The following NCALD variants were observed in gnomAD, a reference collection of about 807,000 sequenced individuals.
NCALD encodes the protein neurocalcin delta.
Under a neutral mutation model 18.6 loss-of-function variants are expected in NCALD, and 10 were observed. The observed-to-expected ratio is 0.54, with a 90% CI of 0.33 to 0.91. NCALD has a LOEUF of 0.91. Ranked by LOEUF, NCALD falls within the 40% of genes least tolerant of loss-of-function variation. The pLI is 0.03. For synonymous variants in NCALD, 88 were observed against 87.4 expected (o/e 1.01, Z -0.04); for missense variants, 184 against 247.6 (o/e 0.74, Z 1.72).
At chr8:101,829,974 G>GTTTTTTTTTT (rs35295834) in intron 4 of NCALD, among the ~76,000 whole-genome samples, 4 of 116,144 alleles carry the variant, frequency 3.4e-5, no homozygotes, top group African/African-American at 9.9e-5. Context: ...AGTCACATGG[G>GTTTTTTTTTT]TTTTTTTTTT....
intron 2 of NCALD, among the ~76,000 whole-genome samples, chr8:101,961,101 T>G (rs1453986833): frequency 6.6e-6 from 1 of 152,194 alleles, no homozygotes; most frequent in African/African-American, 2.4e-5. Context: ...ATTGTATCCC[T>G]AGTACCTCGG....
intron 2 of NCALD, among the ~76,000 whole-genome samples, chr8:101,956,306 G>A (rs1819621244): frequency 6.6e-6 from 1 of 152,126 alleles, no homozygotes; most frequent in African/African-American, 2.4e-5. Context: ...AAGGTAACAT[G>A]TTTTAGAATG....
intron 1 of NCALD, among the ~76,000 whole-genome samples, chr8:102,041,099 G>T (rs1322919812): frequency 6.6e-6 from 1 of 152,160 alleles, no homozygotes; most frequent in East Asian, 1.9e-4. Flanking sequence ...AACTCTTACT[G>T]GTAGGAGAAA....
intron 3 of NCALD, chr8:101,691,422 G>A: frequency 2.0e-6 from 2 of 985,212 alleles, no homozygotes; most frequent in Non-Finnish European, 2.4e-6. Flanking sequence ...CTAATTCATT[G>A]CCTGTGATCA....
chr8:101,930,367 T>G (rs73696583), intron 2 of NCALD, among the ~76,000 whole-genome samples: 9,617 of 152,172 alleles, frequency 0.063, 765 homozygotes, highest in African/African-American at 0.19. Flanking sequence ...TGATCAATGC[T>G]ACAGAGGGTA....
intron 2 of NCALD, among the ~76,000 whole-genome samples, chr8:101,944,862 G>A (rs1471690162): frequency 1.3e-5 from 2 of 152,184 alleles, no homozygotes; most frequent in Non-Finnish European, 2.9e-5. Flanking sequence ...GCGTGCTTCA[G>A]CAACCCATCT....
chr8:101,894,450 G>C (rs1462489775), intron 3 of NCALD, among the ~76,000 whole-genome samples: 2 of 141,534 alleles, frequency 1.4e-5, no homozygotes, highest in African/African-American at 5.7e-5. Flanking sequence ...ACAATTAAAA[G>C]AACTAGAAAA....
intron 4 of NCALD, among the ~76,000 whole-genome samples, chr8:101,851,483 A>G (rs1815088885): frequency 6.6e-6 from 1 of 152,214 alleles, no homozygotes; most frequent in South Asian, 2.1e-4. Flanking sequence ...TCTCTTGCCT[A>G]TCATATTTAC....
intron 1 of NCALD, among the ~76,000 whole-genome samples, chr8:102,101,070 T>C (rs373415092): frequency 1.4e-4 from 22 of 152,234 alleles, no homozygotes; most frequent in Non-Finnish European, 2.6e-4. Flanking sequence ...TTTGCATATT[T>C]TATACCACGA....
At chr8:101,977,952 G>A (rs1586858879) in intron 2 of NCALD, among the ~76,000 whole-genome samples, 1 of 152,116 alleles carries the variant, frequency 6.6e-6, no homozygotes, top group Non-Finnish European at 1.5e-5. Context: ...AGCAGGAAAT[G>A]AGCAAGCCCA....
At chr8:101,904,355 A>AAAAAGAAAT (rs1415062255) in intron 3 of NCALD, among the ~76,000 whole-genome samples, 1 of 152,102 alleles carries the variant, frequency 6.6e-6, no homozygotes, top group African/African-American at 2.4e-5. Context: ...GTCTGAAAGC[A>AAAAAGAAAT]AAAAGAAATA....
At chr8:101,691,161 G>A (rs1814712855) in intron 3 of NCALD, 1 of 985,302 alleles carries the variant, frequency 1.0e-6, no homozygotes, top group African/African-American at 1.7e-5. Context: ...CAAGCACTGA[G>A]CTGAAGCACC....
chr8:101,798,335 C>T (rs551254368), intron 4 of NCALD, among the ~76,000 whole-genome samples: 8 of 152,190 alleles, frequency 5.3e-5, no homozygotes, highest in African/African-American at 1.4e-4. Flanking sequence ...CAAGATAAAC[C>T]TGAAAATCAA....
intron 4 of NCALD, among the ~76,000 whole-genome samples, chr8:101,823,076 T>C (rs906837488): frequency 1.3e-5 from 2 of 151,694 alleles, no homozygotes; most frequent in Non-Finnish European, 2.9e-5. Flanking sequence ...TGTCTGGATA[T>C]AAAAATATCC....
chr8:102,115,500 G>A (rs537174900), intron 1 of NCALD, among the ~76,000 whole-genome samples: 2 of 152,286 alleles, frequency 1.3e-5, no homozygotes, highest in South Asian at 4.1e-4. Context: ...TGATGCCCTG[G>A]AGTGGACTTT....
chr8:101,873,427 T>C, intron 4 of NCALD, among the ~76,000 whole-genome samples: 1 of 152,242 alleles, frequency 6.6e-6, no homozygotes, highest in Non-Finnish European at 1.5e-5. Context: ...GTTTTAGTGG[T>C]GCATAGTTAT....
chr8:102,107,550 G>A (rs1825514284), intron 1 of NCALD, among the ~76,000 whole-genome samples: 1 of 152,128 alleles, frequency 6.6e-6, no homozygotes, highest in African/African-American at 2.4e-5. Context: ...AAGGAAAGAA[G>A]GGCTGAGCTC....
intron 2 of NCALD, among the ~76,000 whole-genome samples, chr8:101,988,168 GAA>G (rs1291358795): frequency 1.4e-5 from 1 of 73,720 alleles, no homozygotes; most frequent in African/African-American, 6.0e-5. Flanking sequence ...AAAAAAAAAA[GAA>G]AAAAAAAAAG....
chr8:101,830,297 A>G (rs2131239850), intron 4 of NCALD, among the ~76,000 whole-genome samples: 1 of 152,348 alleles, frequency 6.6e-6, no homozygotes, highest in East Asian at 1.9e-4. Flanking sequence ...ATGGTGGCTC[A>G]TGCCTGTAAT....
Sources: gnomAD v4.1 joint callset for allele counts (sites outside exome capture counted in the v4.1 genomes callset) on GRCh38, gnomAD v4.1.1 for gene constraint, MANE v1.5 for transcripts, NCBI Gene and HGNC (gene_info 2026-07-23, HGNC 2026-07-21) for gene names.